Variants in BTBD2 observed in about 807,000 individuals in gnomAD.
BTBD2 encodes the protein BTB/POZ domain-containing protein 2.
Under a neutral mutation model 44.0 loss-of-function variants are expected in BTBD2, and 15 were observed. The ratio of observed to expected loss-of-function variants is 0.34; its 90% CI spans 0.23 to 0.53. The LOEUF (loss-of-function observed/expected upper bound fraction) is 0.53. Among genes scored for constraint, BTBD2 ranks in the 20% least tolerant of loss-of-function variants. The probability of loss-of-function intolerance (pLI) is 0.95; values close to 1 mark genes in which losing one functional copy is unlikely to be tolerated. For missense variants in BTBD2, 657 were observed against 746.4 expected (o/e 0.88, Z 1.39); for synonymous variants, 443 against 335.9 (o/e 1.32, Z -3.49).
rs2016166510 is a variant in BTBD2 at position 1,990,830 on chromosome 19, G to A, written c.685-8C>T. Reference sequence around the variant, plus strand: ...TTCATCGAAGAGTCGCGCCTGGCAAGAGACATCGACGGGGGGCGCGGTGGG... The same window carrying A: ...TTCATCGAAGAGTCGCGCCTGGCAAAAGACATCGACGGGGGGCGCGGTGGG... On this transcript the variant is annotated splice_polypyrimidine_tract_variant and splice_region_variant and intron_variant, in intron 3 of 8. Transcript: ENST00000255608. The A allele has an allele frequency of 1.9e-6, 3 of 1,552,132 alleles. No individual in the cohort carries two copies. The highest frequency in any genetic ancestry group is 1.9e-5 in the Admixed American group (1 of 51,770).
rs764617195 is a variant in BTBD2 at position 1,987,196 on chromosome 19, G to A, written c.1239C>T (p.His413=). 6.8e-6 allele frequency: 11 copies of A among 1,613,720 alleles called. No individual in the cohort carries two copies. The highest frequency in any genetic ancestry group is 2.2e-5 in the East Asian group (1 of 44,868). ...VVGFGLYGSI[H]GPTDYQVNIQ... ...TGTTCACTTGGTAGTCGGTGGGCCC[G>A]TGGATGGATCCATACAGCCCAAATC... Residue 413 remains histidine, a synonymous_variant, in exon 7 of 9, where the codon CAC becomes CAT. Transcript: ENST00000255608.
chr19:2,013,891 G>A (rs1003183735), intron 1 of BTBD2: 5 of 152,156 alleles, frequency 3.3e-5, no homozygotes, highest in African/African-American at 1.2e-4. Flanking sequence ...CTGGATGGTG[G>A]GGGAAGAGGG....
chr19:2,013,659 G>A (rs1474365525), intron 1 of BTBD2: 2 of 986,596 alleles, frequency 2.0e-6, no homozygotes, highest in Non-Finnish European at 1.2e-6. Flanking sequence ...GGGGTCCGGG[G>A]CTGGAGGGGC....
Position 1,986,633 on chromosome 19 carries a change from T to C in BTBD2, c.1433A>G (p.Tyr478Cys). The change falls in exon 9 of 9, where the codon TAC becomes TGC. Residue 478 changes from tyrosine (Y) to cysteine (C), a missense_variant. Physicochemically the swap from Tyr to Cys is radical, Grantham distance 194. Transcript: ENST00000255608. ...CACCTTGCGCAGGCCTTTGGTGCCG[T>C]AGTGGGAGTCTGGGCCCTGTAGGGA... ...CATLKGPDSH[Y>C]GTKGLRKVTH... The C allele has an allele frequency of 6.2e-7, 1 of 1,613,680 alleles. No homozygotes were observed. Among genetic ancestry groups the C allele is most frequent in the Non-Finnish European group, 8.5e-7 (1 of 1,179,794 alleles).
intron 1 of BTBD2, among the ~76,000 whole-genome samples, chr19:2,000,084 G>A (rs1239935328): frequency 6.6e-6 from 1 of 152,232 alleles, no homozygotes; most frequent in Non-Finnish European, 1.5e-5. Context: ...GAAGCTGGGT[G>A]GGGCAGGAGG....
chr19:1,989,735 CCCTT>C (rs1367420112), intron 5 of BTBD2: 4 of 517,760 alleles, frequency 7.7e-6, no homozygotes, highest in African/African-American at 3.8e-5. Flanking sequence ...GACGGGGACT[CCCTT>C]CCCTCCTGGG....
At chr19:1,996,907 G>A (rs942488220) in intron 2 of BTBD2, among the ~76,000 whole-genome samples, 1 of 148,996 alleles carries the variant, frequency 6.7e-6, no homozygotes, top group African/African-American at 2.5e-5. Flanking sequence ...TCTGGGCTGG[G>A]CGCGGTGGCT....
Position 1,986,827 on chromosome 19 carries a change from C to T in BTBD2, c.1416+3G>A, listed in dbSNP as rs753715723. 109 of 1,602,474 alleles carry T rather than the reference C, an allele frequency of 6.8e-5. No individual in the cohort carries two copies. Among genetic ancestry groups the T allele is most frequent in the Non-Finnish European group, 9.2e-5 (108 of 1,173,912 alleles). On this transcript the variant is annotated splice_donor_region_variant and intron_variant, in intron 8 of 8. Transcript: ENST00000255608. ...GGAGGGACCCCTGTCCCCGGCGGCG[C>T]ACCTTGAGCGTGGCACAGGCCGTGT... is the stretch of plus-strand genomic sequence containing the variant.
At chr19:2,000,240 C>T (rs188563135) in intron 1 of BTBD2, among the ~76,000 whole-genome samples, 2 of 152,266 alleles carry the variant, frequency 1.3e-5, no homozygotes, top group Admixed American at 1.3e-4. Flanking sequence ...CGTCTGCCCT[C>T]CTGGCCGCGT....
chr19:1,990,091 C>A lies in BTBD2; in HGVS notation c.901G>T (p.Val301Leu). Residue 301 changes from valine to leucine, a missense_variant, in exon 5 of 9, where the codon GTG becomes TTG. Val to Leu is a conservative substitution (Grantham distance 32). Around this residue, in one of 3 missense-constraint regions of BTBD2, gnomAD observed 449 missense variants for 510.9 expected, o/e 0.88. Transcript: ENST00000255608. The part of the protein sequence containing the change: ...EAECQRQQLQ[V>L]TPENRRKVLG... ...ACCTTCCGCCTGTTCTCTGGCGTCA[C>A]CTGCAGCTGCTGCCGCTGACACTCG... 6.2e-7 allele frequency: 1 copy of A among 1,613,016 alleles called. No individual in the cohort carries two copies. The highest frequency in any genetic ancestry group is 1.7e-4 in the Middle Eastern group (1 of 6,060).
intron 1 of BTBD2, among the ~76,000 whole-genome samples, chr19:1,998,080 TTCAC>T (rs949877114): frequency 9.2e-6 from 1 of 108,542 alleles, no homozygotes; most frequent in Non-Finnish European, 2.0e-5. Context: ...CGCACACTCA[TTCAC>T]TCACCCATTC....
intron 7 of BTBD2, 63 bp from the exon 8 acceptor site, chr19:1,987,039 C>T (rs2087346819): frequency 1.3e-6 from 2 of 1,593,772 alleles, no homozygotes; most frequent in Admixed American, 1.7e-5. Context: ...CCCCTCGAGG[C>T]CCAGCCCACC....
chr19:1,994,782 A>T (rs548643631), intron 2 of BTBD2, among the ~76,000 whole-genome samples: 1 of 151,454 alleles, frequency 6.6e-6, no homozygotes, highest in Non-Finnish European at 1.5e-5. Flanking sequence ...ATAAAAAAAT[A>T]TTTTTTTTCT....
intron 1 of BTBD2, among the ~76,000 whole-genome samples, chr19:2,010,202 G>A (rs1461157537): frequency 6.6e-6 from 1 of 152,200 alleles, no homozygotes; most frequent in Non-Finnish European, 1.5e-5. Flanking sequence ...ACCAGCCAAT[G>A]TGCACATCTA....
intron 1 of BTBD2, among the ~76,000 whole-genome samples, chr19:2,007,734 G>C (rs1312618372): frequency 6.6e-6 from 1 of 152,144 alleles, no homozygotes; most frequent in Non-Finnish European, 1.5e-5. Flanking sequence ...GCTGAGGCAA[G>C]AGAACTGCCG....
At chr19:1,997,971 T>C (rs4807192) in intron 1 of BTBD2, among the ~76,000 whole-genome samples, 5 of 152,158 alleles carry the variant, frequency 3.3e-5, no homozygotes, top group Non-Finnish European at 5.9e-5. Flanking sequence ...ACTCATTCAT[T>C]CATCCACACA....
At chr19:1,987,956 C>T in intron 5 of BTBD2, 1 of 486,928 alleles carries the variant, frequency 2.1e-6, no homozygotes, top group Non-Finnish European at 3.7e-6. Flanking sequence ...TGCACTCACT[C>T]AGGGGTGATG....
chr19:2,004,623 T>TA (rs1004560727), intron 1 of BTBD2, among the ~76,000 whole-genome samples: 11 of 150,670 alleles, frequency 7.3e-5, no homozygotes, highest in African/African-American at 2.4e-4. Context: ...CTAAATTGAC[T>TA]GAGACCTGTC....
At chr19:2,012,633 C>T (rs1396773571) in intron 1 of BTBD2, among the ~76,000 whole-genome samples, 2 of 152,184 alleles carry the variant, frequency 1.3e-5, no homozygotes, top group African/African-American at 4.8e-5. Flanking sequence ...CGCCCCTAAC[C>T]CCGCATGTCG....
Sources: gnomAD v4.1 joint callset for allele counts (sites outside exome capture counted in the v4.1 genomes callset) on GRCh38, gnomAD v4.1.1 for gene constraint, gnomAD v4.1.1 regional missense constraint, MANE v1.5 for transcripts, NCBI Gene and HGNC (gene_info 2026-07-23, HGNC 2026-07-21) for gene names.